SMIM27: variants seen among roughly 807,000 people sequenced by gnomAD.
SMIM27 encodes transition zone microprotein 1, also known as TOPORS antisense RNA 1 (non-protein coding).
SMIM27 carries 3 observed loss-of-function variants against 1.8 expected under a neutral mutation model. The ratio of observed to expected loss-of-function variants is 1.65; its 90% CI spans 0.75 to 4.28. The LOEUF (loss-of-function observed/expected upper bound fraction) is 4.28. SMIM27 is among the 30% of genes most tolerant of loss of function. SMIM27 has a pLI of 0.02. For synonymous variants in SMIM27, 19 were observed against 13.9 expected, an observed-to-expected ratio of 1.37 and a Z score of -0.82; for missense variants, 63 against 37.0, an observed-to-expected ratio of 1.70 and a Z score of -1.83.
chr9:32,560,719 G>A (rs1821601334), intron 1 of SMIM27, among the ~76,000 whole-genome samples: 1 of 152,084 alleles, frequency 6.6e-6, no homozygotes, highest in African/African-American at 2.4e-5. Context: ...ATATTTAACA[G>A]AATTTAGCTA....
At chr9:32,552,524 G>T in intron 1 of SMIM27, 45 bp downstream of exon 1, 1 of 1,542,760 alleles carries the variant, frequency 6.5e-7, no homozygotes, top group Non-Finnish European at 8.8e-7. Context: ...GACTCACTGG[G>T]CCCGCAGGCG....
exon 2 of SMIM27, chr9:32,566,399 T>C (rs1587648228): frequency 1.0e-6 from 1 of 969,384 alleles, no homozygotes; most frequent in South Asian, 1.3e-5. Flanking sequence ...AGGTTCCAGG[T>C]CCAGAAGAGG....
intron 1 of SMIM27, among the ~76,000 whole-genome samples, chr9:32,561,644 T>C (rs1821629831): frequency 6.6e-6 from 1 of 152,178 alleles, no homozygotes; most frequent in Non-Finnish European, 1.5e-5. Flanking sequence ...TATTCACTTC[T>C]ATCCCATCAT....
At chr9:32,558,892 A>C in intron 1 of SMIM27, 1 of 1,493,174 alleles carries the variant, frequency 6.7e-7, no homozygotes, top group Non-Finnish European at 9.2e-7. Context: ...AAGAAAAATC[A>C]GAAGTGTTAA....
intron 1 of SMIM27, among the ~76,000 whole-genome samples, chr9:32,562,586 G>A (rs771407582): frequency 6.6e-5 from 10 of 152,112 alleles, no homozygotes; most frequent in Non-Finnish European, 1.0e-4. Context: ...ACATAAAGCT[G>A]CAAGAATGAA....
chr9:32,566,713 A>G (rs1295908440), exon 2 of SMIM27: 3 of 859,482 alleles, frequency 3.5e-6, no homozygotes, highest in Non-Finnish European at 6.0e-6. Flanking sequence ...GACTTATTCC[A>G]AAATCGGGAC....
At chr9:32,563,315 AT>A in intron 1 of SMIM27, among the ~76,000 whole-genome samples, 1 of 152,030 alleles carries the variant, frequency 6.6e-6, no homozygotes, top group Non-Finnish European at 1.5e-5. Context: ...TAAAATTAGT[AT>A]TAGCATCCTC....
downstream of SMIM27, chr9:32,553,604 A>AAAAC (rs1212948660): frequency 1.0e-5 from 4 of 386,180 alleles, no homozygotes; most frequent in African/African-American, 2.1e-5. Context: ...GTGTAAGAAA[A>AAAAC]AAACAAACAA....
chr9:32,558,590 T>C (rs1198076754), intron 1 of SMIM27, among the ~76,000 whole-genome samples: 5 of 152,212 alleles, frequency 3.3e-5, no homozygotes, highest in Non-Finnish European at 7.3e-5. Context: ...CTAAGCTCTT[T>C]ACCCAACATG....
intron 1 of SMIM27, chr9:32,559,078 T>C: frequency 3.4e-6 from 2 of 583,048 alleles, no homozygotes; most frequent in Non-Finnish European, 6.1e-6. Context: ...GATTCACATA[T>C]CCAACTGTTT....
chr9:32,551,432 G>T (rs997423512), upstream of SMIM27: 1 of 316,660 alleles, frequency 3.2e-6, no homozygotes, highest in Non-Finnish European at 6.2e-6. Flanking sequence ...AGCCCAACCA[G>T]TATCCTATAA....
chr9:32,551,759 T>G (rs1372884888), upstream of SMIM27: 4 of 447,610 alleles, frequency 8.9e-6, no homozygotes, highest in Non-Finnish European at 1.8e-5. Flanking sequence ...TTCAAGAACA[T>G]CAGACACGCT....
chr9:32,557,094 G>A (rs1264440279), downstream of SMIM27, among the ~76,000 whole-genome samples: 3 of 150,648 alleles, frequency 2.0e-5, no homozygotes, highest in Non-Finnish European at 4.4e-5. Flanking sequence ...CTGACCTCAG[G>A]TGATCCACCT....
chr9:32,566,652 T>A, exon 2 of SMIM27: 1 of 800,852 alleles, frequency 1.2e-6, no homozygotes, highest in Non-Finnish European at 2.3e-6. Flanking sequence ...GGAGCTCACC[T>A]CTCTCAGGTA....
downstream of SMIM27, among the ~76,000 whole-genome samples, chr9:32,557,997 AC>A (rs1418528774): frequency 6.6e-6 from 1 of 152,260 alleles, no homozygotes; most frequent in Admixed American, 6.5e-5. Flanking sequence ...TATGTATTCT[AC>A]TATGCTAAAC....
chr9:32,566,744 C>T (rs1171321352), exon 2 of SMIM27: 14 of 918,874 alleles, frequency 1.5e-5, no homozygotes, highest in South Asian at 6.5e-5. Context: ...CAAACCACAG[C>T]GGGTCCTCAG....
downstream of SMIM27, among the ~76,000 whole-genome samples, chr9:32,557,454 C>T (rs1231546834): frequency 6.6e-6 from 1 of 151,172 alleles, no homozygotes; most frequent in East Asian, 1.9e-4. Context: ...CAGGCATGAG[C>T]CCCCGATACC....
downstream of SMIM27, among the ~76,000 whole-genome samples, chr9:32,555,049 G>A (rs1457160409): frequency 6.6e-6 from 1 of 151,348 alleles, no homozygotes; most frequent in Non-Finnish European, 1.5e-5. Flanking sequence ...AAATGGAGAG[G>A]ACGAGAGAAC....
chr9:32,555,539 A>G (rs1821432390), downstream of SMIM27, among the ~76,000 whole-genome samples: 1 of 152,248 alleles, frequency 6.6e-6, no homozygotes, highest in African/African-American at 2.4e-5. Context: ...GGCATGAGAC[A>G]CTGACTAGAA....
Sources: allele counts gnomAD v4.1 joint callset (sites outside exome capture counted in the v4.1 genomes callset), GRCh38; gene constraint gnomAD v4.1.1; transcripts MANE v1.5; gene names NCBI Gene and HGNC (gene_info 2026-07-23, HGNC 2026-07-21).